The following HCN1 variants were observed in gnomAD, a reference collection of about 807,000 sequenced individuals.
HCN1 encodes potassium/sodium hyperpolarization-activated cyclic nucleotide-gated channel 1.
A neutral mutation model predicts 78.9 loss-of-function variants in HCN1; 13 were observed. The observed-to-expected ratio is 0.16, with a 90% CI of 0.11 to 0.26. The LOEUF (loss-of-function observed/expected upper bound fraction) is 0.26, where lower values mean the gene tolerates loss of function less well. Ranked by LOEUF, HCN1 falls within the 10% of genes least tolerant of loss-of-function variation. The pLI is 1.00. For synonymous variants in HCN1, 552 were observed against 455.5 expected (o/e 1.21, Z -2.70); for missense variants, 810 against 1,154.3 (o/e 0.70, Z 4.32).
chr5:45,597,080 T>C (rs1052308762), intron 2 of HCN1, among the ~76,000 whole-genome samples: 1 of 152,128 alleles, frequency 6.6e-6, no homozygotes, highest in African/African-American at 2.4e-5. Flanking sequence ...GCCAGCATCA[T>C]CCTGATACCA....
intron 3 of HCN1, among the ~76,000 whole-genome samples, chr5:45,409,559 C>T (rs1194688177): frequency 1.3e-5 from 2 of 151,922 alleles, no homozygotes; most frequent in Non-Finnish European, 2.9e-5. Flanking sequence ...AGAATTTACC[C>T]TTAACACTTA....
chr5:45,498,300 T>C (rs1209182185), intron 2 of HCN1, among the ~76,000 whole-genome samples: 1 of 152,190 alleles, frequency 6.6e-6, no homozygotes, highest in Admixed American at 6.5e-5. Flanking sequence ...TATTCTTTTT[T>C]CTCTAAACTT....
intron 2 of HCN1, among the ~76,000 whole-genome samples, chr5:45,627,474 G>T (rs1460051267): frequency 6.6e-6 from 1 of 152,116 alleles, no homozygotes; most frequent in African/African-American, 2.4e-5. Flanking sequence ...GTGCAACCAT[G>T]GTGATTTTAT....
chr5:45,394,119 A>G (rs1055131487), intron 4 of HCN1, among the ~76,000 whole-genome samples: 3 of 152,154 alleles, frequency 2.0e-5, no homozygotes, highest in Non-Finnish European at 4.4e-5. Context: ...AGGATCTTTG[A>G]AATAAGCTCA....
chr5:45,440,099 T>A (rs1268452191), intron 3 of HCN1, among the ~76,000 whole-genome samples: 1 of 150,996 alleles, frequency 6.6e-6, no homozygotes, highest in East Asian at 1.9e-4. Flanking sequence ...AAGTTGAGAA[T>A]TTTTTCAAAT....
chr5:45,598,731 AC>A (rs1237226511), intron 2 of HCN1, among the ~76,000 whole-genome samples: 1 of 152,170 alleles, frequency 6.6e-6, no homozygotes, highest in Non-Finnish European at 1.5e-5. Flanking sequence ...GAAAAAACCA[AC>A]CCCACCAAAA....
chr5:45,329,510 C>T (rs1202850036), intron 5 of HCN1, among the ~76,000 whole-genome samples: 1 of 151,358 alleles, frequency 6.6e-6, no homozygotes, highest in Non-Finnish European at 1.5e-5. Context: ...ACAATCTGCT[C>T]CACTCCCCTT....
At chr5:45,361,539 T>C (rs1747109242) in intron 4 of HCN1, among the ~76,000 whole-genome samples, 1 of 152,212 alleles carries the variant, frequency 6.6e-6, no homozygotes, top group Admixed American at 6.5e-5. Context: ...CTTGAATTCC[T>C]GACTTCAGGT....
At chr5:45,279,029 A>G (rs1246229155) in intron 6 of HCN1, among the ~76,000 whole-genome samples, 7 of 152,148 alleles carry the variant, frequency 4.6e-5, no homozygotes, top group Admixed American at 4.6e-4. Context: ...CCTTGGTTAC[A>G]TACATTTTTT....
intron 4 of HCN1, among the ~76,000 whole-genome samples, chr5:45,395,574 A>C (rs184248628): frequency 6.6e-6 from 1 of 152,222 alleles, no homozygotes; most frequent in Admixed American, 6.5e-5. Context: ...GTAACTGAAA[A>C]CTTCTTTGGA....
At chr5:45,592,581 G>T (rs768076692) in intron 2 of HCN1, among the ~76,000 whole-genome samples, 8 of 151,922 alleles carry the variant, frequency 5.3e-5, no homozygotes, top group Non-Finnish European at 1.0e-4. Context: ...AAAATATTAG[G>T]TTTGCTTAAG....
intron 1 of HCN1, among the ~76,000 whole-genome samples, chr5:45,664,380 C>T (rs1429921666): frequency 3.6e-4 from 51 of 141,820 alleles, no homozygotes; most frequent in African/African-American, 8.2e-4. Flanking sequence ...GTGGGTGCAG[C>T]GCACCAGCAT....
At chr5:45,678,320 T>C (rs1739634839) in intron 1 of HCN1, among the ~76,000 whole-genome samples, 1 of 151,960 alleles carries the variant, frequency 6.6e-6, no homozygotes, top group African/African-American at 2.4e-5. Flanking sequence ...TATGCATTGT[T>C]TCTTGCTTTT....
chr5:45,485,438 G>C (rs1741736989), intron 2 of HCN1, among the ~76,000 whole-genome samples: 1 of 152,042 alleles, frequency 6.6e-6, no homozygotes, highest in South Asian at 2.1e-4. Context: ...ACAAAAAATG[G>C]AAGCAAACTT....
intron 2 of HCN1, among the ~76,000 whole-genome samples, chr5:45,631,599 A>G (rs1424459628): frequency 6.6e-6 from 1 of 152,056 alleles, no homozygotes; most frequent in Admixed American, 6.6e-5. Context: ...ACTATTGACA[A>G]CTCACAGACT....
At chr5:45,375,264 T>A (rs1339104591) in intron 4 of HCN1, among the ~76,000 whole-genome samples, 1 of 120,888 alleles carries the variant, frequency 8.3e-6, no homozygotes, top group African/African-American at 3.3e-5. Flanking sequence ...TATAATATTT[T>A]ATAATATATA....
chr5:45,433,614 T>A (rs769555995), intron 3 of HCN1, among the ~76,000 whole-genome samples: 2 of 152,182 alleles, frequency 1.3e-5, no homozygotes, highest in Non-Finnish European at 2.9e-5. Context: ...ATTCCTGTCA[T>A]CATATTCTTG....
At chr5:45,419,615 C>T (rs1424847198) in intron 3 of HCN1, among the ~76,000 whole-genome samples, 2 of 152,260 alleles carry the variant, frequency 1.3e-5, no homozygotes, top group African/African-American at 2.4e-5. Flanking sequence ...CAACAAACTC[C>T]ATTACCCTCT....
intron 6 of HCN1, among the ~76,000 whole-genome samples, chr5:45,289,998 T>C (rs1032904401): frequency 6.6e-6 from 1 of 151,992 alleles, no homozygotes; most frequent in Non-Finnish European, 1.5e-5. Flanking sequence ...TCTTGAATTG[T>C]AGCTCCCATA....
Sources: gnomAD v4.1 joint callset for allele counts (sites outside exome capture counted in the v4.1 genomes callset) on GRCh38, gnomAD v4.1.1 for gene constraint, MANE v1.5 for transcripts, NCBI Gene and HGNC (gene_info 2026-07-23, HGNC 2026-07-21) for gene names.